The following ULK3 variants were observed in gnomAD, a reference collection of about 807,000 sequenced individuals.
ULK3 encodes unc-51 like kinase 3.
A neutral mutation model predicts 69.4 loss-of-function variants in ULK3; 54 were observed. That is an observed-to-expected ratio of 0.78 (90% CI 0.63 to 0.98). The LOEUF (loss-of-function observed/expected upper bound fraction) is 0.98, where lower values mean the gene tolerates loss of function less well. Ranked by LOEUF, ULK3 falls within the 50% of genes least tolerant of loss-of-function variation. The pLI, the probability that ULK3 is intolerant of heterozygous loss-of-function variation, is 0.00. For synonymous variants in ULK3, 240 were observed against 254.5 expected (o/e 0.94, Z 0.54); for missense variants, 558 against 627.7 (o/e 0.89, Z 1.19).
rs1252460494 is a variant in ULK3, at chr15:74,836,456, T to C, written c.*772A>G. 1.3e-5 allele frequency: 2 copies of C among 152,236 alleles called. No homozygotes were observed. The highest frequency in any genetic ancestry group is 4.8e-5 in the African/African-American group (2 of 41,426). 9.4% of individuals were successfully genotyped at this position (152,236 alleles called of 1,614,324 possible). On this transcript the variant is annotated 3_prime_UTR_variant, in exon 16 of 16. Transcript: ENST00000440863. This position sits in a 1 kb window ranked among gnomAD's most constrained non-coding sequence, Gnocchi z 4.0. Reference sequence around the variant, plus strand: ...TGGCCTAGAGGGCACTGGGTCAGACTGTCTCCAAGCCTCCCTCTCCCTGTC... The same window carrying C: ...TGGCCTAGAGGGCACTGGGTCAGACCGTCTCCAAGCCTCCCTCTCCCTGTC...
chr15:74,837,715 C>T (rs1169756598), intron 14 of ULK3, 36 bp downstream of exon 14: 7 of 1,576,408 alleles, frequency 4.4e-6, no homozygotes, highest in South Asian at 1.2e-5. Context: ...ACAGAACCCA[C>T]AGACCCTAGC....
rs1453700906 is a variant in ULK3, at chr15:74,842,464, G to A, written c.103-44C>T. On this transcript the variant is annotated intron_variant, in intron 1 of 15. Coordinates refer to ENST00000440863, the MANE Select transcript of ULK3 (RefSeq NM_001099436.4). This position sits in a 1 kb window ranked among gnomAD's most constrained non-coding sequence, Gnocchi z 4.9. The stretch of plus-strand genomic sequence containing the variant: ...GGGGACTCTGCCTTGAGGGGGCCAG[G>A]ACCCTTGTCTGACTGGAAAGGCTCT... 1.9e-6 allele frequency: 3 copies of A among 1,612,876 alleles called. No homozygotes were observed. Among genetic ancestry groups the A allele is most frequent in the Non-Finnish European group, 2.5e-6 (3 of 1,179,874 alleles).
Position 74,842,832 on chromosome 15 carries a change from C to G in ULK3, c.102+172G>C. ...CCCTGCAGGTGGGTGCAGGTGCGCT[C>G]TTTAAGACCTAAGCGTGGCAGTCGG... On this transcript the variant is annotated intron_variant, in intron 1 of 15. Coordinates refer to ENST00000440863, the MANE Select transcript of ULK3 (RefSeq NM_001099436.4). This position sits in a 1 kb window ranked among gnomAD's most constrained non-coding sequence, Gnocchi z 4.9. The G allele has an allele frequency of 7.4e-7, 1 of 1,359,382 alleles. No individual in the cohort carries two copies. The highest frequency in any genetic ancestry group is 9.8e-7 in the Non-Finnish European group (1 of 1,016,030). The allele number at this position is 1,359,382 out of a possible 1,614,324, so 84.2% of individuals were successfully genotyped here.
Position 74,843,085 on chromosome 15 carries a change from AC to A in ULK3, c.20del (p.Gly7ValfsTer35). Reference protein sequence around the residue: MAGPGWGPPRLDGFILT... With the variant: MAGPGWXPPRLDGFILT... ...GGATGAAGCCGTCCAGGCGCGGGGG[AC>A]CCCAGCCGGGCCCCGCCATTCCGGC... On this transcript the variant is annotated frameshift_variant, in exon 1 of 16. Transcript: ENST00000440863. LOFTEE classifies it high-confidence loss of function. 3 of 1,369,820 alleles carry A rather than the reference AC, an allele frequency of 2.2e-6. No homozygotes were observed. Among genetic ancestry groups the A allele is most frequent in the South Asian group, 1.8e-5 (1 of 54,450 alleles). The allele number at this position is 1,369,820 out of a possible 1,614,324, so 84.9% of individuals were successfully genotyped here. A position where few individuals can be genotyped will look rare whatever the true frequency, so the allele number is the denominator to read the frequency against.
chr15:74,838,584 CCT>C, intron 10 of ULK3, 57 bp downstream of exon 10: 1 of 1,580,318 alleles, frequency 6.3e-7, no homozygotes, highest in Non-Finnish European at 8.6e-7. Flanking sequence ...CCCGCCTCCC[CCT>C]CAGGCTGTGG....
chr15:74,841,365 G>A (rs1206383697), intron 4 of ULK3, 40 bp downstream of exon 4: 1 of 1,563,908 alleles, frequency 6.4e-7, no homozygotes, highest in East Asian at 2.2e-5. Flanking sequence ...GGAGGCCTCT[G>A]CACTCTCCAA....
rs2141160200 is a variant in ULK3, at chr15:74,842,661, C to T, written c.103-241G>A. 1.3e-6 allele frequency: 2 copies of T among 1,535,862 alleles called. No individual in the cohort carries two copies. The highest frequency in any genetic ancestry group is 1.7e-6 in the Non-Finnish European group (2 of 1,146,928). ...TTCTCCAACCCTCGGCTAGCTGATC[C>T]ATTTCTTTGCATTCTGGAGTGCTCC... On this transcript the variant is annotated intron_variant, in intron 1 of 15. Transcript: ENST00000440863. The surrounding 1 kb of genome is among the most constrained non-coding windows in gnomAD (Gnocchi z 4.9).
chr15:74,838,741 C>A lies in ULK3; in HGVS notation c.1004G>T (p.Gly335Val). 6.2e-7 allele frequency: 1 copy of A among 1,605,272 alleles called. No individual in the cohort carries two copies. The highest frequency in any genetic ancestry group is 8.5e-7 in the Non-Finnish European group (1 of 1,174,750). The stretch of plus-strand genomic sequence containing the variant: ...CTCCTCAGCCCGGGACACGTACTGC[C>A]CCACCTGTAGCAGGGAAAGGGCCTG... Reference protein sequence around the residue: ...QRKEAIKAKVGQYVSRAEELK... With the variant: ...QRKEAIKAKVVQYVSRAEELK... Residue 335 changes from glycine to valine, a missense_variant, in exon 10 of 16, where the codon GGG becomes GTG. By Grantham distance (109) the Gly-to-Val change is moderately radical (BLOSUM62 -3). Coordinates refer to ENST00000440863, the MANE Select transcript of ULK3 (RefSeq NM_001099436.4).
At position 74,838,681 on chromosome 15, in the gene ULK3, A is replaced by G. The variant is rs2064123240; in HGVS notation, c.1064T>C (p.Leu355Pro). The change falls in exon 10 of 16, where the codon CTG becomes CCG. Residue 355 changes from leucine to proline, a missense_variant. Leu to Pro is a moderately conservative substitution (Grantham distance 98). Transcript: ENST00000440863. ...TCGGGCAGAGGTCCCCTGCCTCAGC[A>G]GGGCCTGATTGGAAGAGGAGACGAT... ...KAIVSSSNQA[L>P]LRQGTSARDL... is the part of the protein sequence containing the mutation. 1 of 1,612,618 alleles carries G rather than the reference A, an allele frequency of 6.2e-7. No homozygotes were observed. The highest frequency in any genetic ancestry group is 1.3e-5 in the African/African-American group (1 of 74,850).
chr15:74,841,994 C>G, intron 3 of ULK3, 81 bp downstream of exon 3: 1 of 1,599,796 alleles, frequency 6.3e-7, no homozygotes, highest in Admixed American at 1.7e-5. Flanking sequence ...CGTGCCAAGG[C>G]TCTAAGCCTG....
intron 4 of ULK3, among the ~76,000 whole-genome samples, chr15:74,840,906 C>T (rs2064223907): frequency 1.3e-5 from 2 of 152,112 alleles, no homozygotes; most frequent in South Asian, 2.1e-4. Flanking sequence ...CCCCCACCCT[C>T]TCACTGTCCC....
chr15:74,837,249 G>T lies in ULK3; in HGVS notation c.1403-5C>A. 1 of 1,589,448 alleles carries T rather than the reference G, an allele frequency of 6.3e-7. No homozygotes were observed. Among genetic ancestry groups the T allele is most frequent in the Non-Finnish European group, 8.6e-7 (1 of 1,166,318 alleles). ...AGGGTCACTGAAGGGTGCAAGCTAC[G>T]GGGGTGAGGGGGACAATGGGGGAGG... On this transcript the variant is annotated splice_region_variant and splice_polypyrimidine_tract_variant and intron_variant, in intron 15 of 15. Coordinates refer to ENST00000440863, the MANE Select transcript of ULK3 (RefSeq NM_001099436.4).
Position 74,839,691 on chromosome 15 carries a change from G to T in ULK3, c.719C>A (p.Ser240Tyr), listed in dbSNP as rs1445084392. ...VIELPLRPLL[S>Y]RDCRDLLQRL... ...CTGCAGTAGGTCCCGGCAGTCTCGG[G>T]AGAGCAGGGGCCGCAAGGGGAGCTG... The change falls in exon 7 of 16, where the codon TCC (serine) becomes TAC (tyrosine). Residue 240 changes from serine to tyrosine, a missense_variant. By Grantham distance (144) the Ser-to-Tyr change is moderately radical (BLOSUM62 -2). Coordinates refer to ENST00000440863, the MANE Select transcript of ULK3 (RefSeq NM_001099436.4). 1 of 1,552,038 alleles carries T rather than the reference G, an allele frequency of 6.4e-7. No homozygotes were observed. The highest frequency in any genetic ancestry group is 8.7e-7 in the Non-Finnish European group (1 of 1,150,982).
chr15:74,837,160 T>G lies in ULK3; in HGVS notation c.*68A>C. On this transcript the variant is annotated 3_prime_UTR_variant, in exon 16 of 16. Coordinates refer to ENST00000440863, the MANE Select transcript of ULK3 (RefSeq NM_001099436.4). ...GGGCTGCAGTGGGCCACTTCATTCT[T>G]GGCGTCAGCCTGGGTTAGTGCCCCT... 1 of 1,507,652 alleles carries G rather than the reference T, an allele frequency of 6.6e-7. No individual in the cohort carries two copies. The highest frequency in any genetic ancestry group is 8.9e-7 in the Non-Finnish European group (1 of 1,128,202). The allele number at this position is 1,507,652 out of a possible 1,614,324, so 93.4% of individuals were successfully genotyped here. A position where few individuals can be genotyped will look rare whatever the true frequency, so the allele number is the denominator to read the frequency against.
rs1248416852 is a variant in ULK3, at chr15:74,837,180, G to A, written c.*48C>T. ...ATTCTTGGCGTCAGCCTGGGTTAGT[G>A]CCCCTCTGCTCCAGATGGCTCACAT... On this transcript the variant is annotated 3_prime_UTR_variant, in exon 16 of 16. Transcript: ENST00000440863. 2.0e-6 allele frequency: 3 copies of A among 1,521,196 alleles called. No homozygotes were observed. Among genetic ancestry groups the A allele is most frequent in the Middle Eastern group, 1.8e-4 (1 of 5,628 alleles). The allele number at this position is 1,521,196 out of a possible 1,614,324, so 94.2% of individuals were successfully genotyped here.
Position 74,842,270 on chromosome 15 carries a change from A to C in ULK3, c.243+10T>G, listed in dbSNP as rs768673427. 6.2e-7 allele frequency: 1 copy of C among 1,613,970 alleles called. No homozygotes were observed. Among genetic ancestry groups the C allele is most frequent in the Non-Finnish European group, 8.5e-7 (1 of 1,179,868 alleles). On this transcript the variant is annotated intron_variant, in intron 2 of 15. Coordinates refer to ENST00000440863, the MANE Select transcript of ULK3 (RefSeq NM_001099436.4). This position sits in a 1 kb window ranked among gnomAD's most constrained non-coding sequence, Gnocchi z 4.9. The stretch of plus-strand genomic sequence containing the variant: ...CTCCCTTTGGCAGCGGCCCCGCCCC[A>C]GGCTCACACCTGAAAGTCTTTCAGC...
At position 74,842,120 on chromosome 15, in the gene ULK3, T is replaced by C. The variant is rs1442540917; in HGVS notation, c.319A>G (p.Arg107Gly). ...GDLSRFIHTR[R>G]ILPEKVARVF... is the part of the protein sequence containing the mutation. The stretch of plus-strand genomic sequence containing the variant: ...CGCGCCACCTTCTCAGGCAGAATCC[T>C]GCGGGTATGGATGAAGCGAGACAGG... The change falls in exon 3 of 16, where the codon AGG becomes GGG. Residue 107 changes from arginine to glycine, a missense_variant. Coordinates refer to ENST00000440863, the MANE Select transcript of ULK3 (RefSeq NM_001099436.4). This position sits in a 1 kb window ranked among gnomAD's most constrained non-coding sequence, Gnocchi z 4.9. The C allele has an allele frequency of 6.2e-7, 1 of 1,613,994 alleles. No homozygotes were observed.
Position 74,843,013 on chromosome 15 carries a change from G to C in ULK3, c.93C>G (p.Ala31=), listed in dbSNP as rs774909124. The C allele has an allele frequency of 6.5e-7, 1 of 1,546,894 alleles. No homozygotes were observed. The highest frequency in any genetic ancestry group is 1.4e-5 in the African/African-American group (1 of 73,066). The change falls in exon 1 of 16, where the codon GCC becomes GCG. Residue 31 remains alanine, a synonymous_variant. Coordinates refer to ENST00000440863, the MANE Select transcript of ULK3 (RefSeq NM_001099436.4). ...ATCGGCCGGCACCCACCTTGGCGTA[G>C]GCCTTGTACACCGTGGCGTACGTGC... ...GSGTYATVYK[A]YAKKDTREVV...
chr15:74,836,989 G>A lies in ULK3; in HGVS notation c.*239C>T. 2.1e-6 allele frequency: 1 copy of A among 473,898 alleles called. No homozygotes were observed. The highest frequency in any genetic ancestry group is 5.6e-5 in the South Asian group (1 of 17,820). The allele number at this position is 473,898 out of a possible 1,614,324, so 29.4% of individuals were successfully genotyped here. A position where few individuals can be genotyped will look rare whatever the true frequency, so the allele number is the denominator to read the frequency against. Reference sequence around the variant, plus strand: ...GAGTAACAAAGGTCTCATGAAAGAAGTGCTGTTCTCCCAGAGTCCTGCCCT... The same window carrying A: ...GAGTAACAAAGGTCTCATGAAAGAAATGCTGTTCTCCCAGAGTCCTGCCCT... On this transcript the variant is annotated 3_prime_UTR_variant, in exon 16 of 16. Transcript: ENST00000440863. The surrounding 1 kb of genome is among the most constrained non-coding windows in gnomAD (Gnocchi z 4.0).
Sources: gnomAD v4.1 joint callset for allele counts (sites outside exome capture counted in the v4.1 genomes callset) on GRCh38, gnomAD v4.1.1 for gene constraint, Gnocchi (gnomAD v3.1) non-coding constraint, MANE v1.5 for transcripts, NCBI Gene and HGNC (gene_info 2026-07-23, HGNC 2026-07-21) for gene names.